TESK2: variants seen among roughly 807,000 people sequenced by gnomAD.
TESK2 encodes the protein dual specificity testis-specific protein kinase 2.
TESK2 carries 39 observed loss-of-function variants against 57.1 expected under a neutral mutation model. That is an observed-to-expected ratio of 0.68 (90% confidence interval 0.53 to 0.89). The LOEUF (loss-of-function observed/expected upper bound fraction) is 0.89, where lower values mean the gene tolerates loss of function less well. TESK2 is among the 40% of genes least tolerant of loss of function. The probability of loss-of-function intolerance (pLI) is 0.00; values close to 1 mark genes in which losing one functional copy is unlikely to be tolerated. For missense variants in TESK2, 646 were observed against 732.1 expected, an observed-to-expected ratio of 0.88 and a Z score of 1.36; for synonymous variants, 249 against 267.9, an observed-to-expected ratio of 0.93 and a Z score of 0.69.
chr1:45,390,248 C>T (rs1335994954), intron 3 of TESK2, among the ~76,000 whole-genome samples: 2 of 152,004 alleles, frequency 1.3e-5, no homozygotes, highest in East Asian at 1.9e-4. Flanking sequence ...CTGGAGAATA[C>T]GGTGAAATAT....
intron 2 of TESK2, among the ~76,000 whole-genome samples, chr1:45,430,490 AAAAC>A (rs750667080): frequency 2.6e-5 from 4 of 152,130 alleles, no homozygotes; most frequent in Admixed American, 6.6e-5. Flanking sequence ...GACCCTATCT[AAAAC>A]AAACAAACAA....
At chr1:45,475,173 G>T (rs971624442) in intron 1 of TESK2, among the ~76,000 whole-genome samples, 4 of 149,632 alleles carry the variant, frequency 2.7e-5, no homozygotes, top group Non-Finnish European at 5.9e-5. Flanking sequence ...GTAATCAAGA[G>T]GAAAGAGGAA....
chr1:45,365,374 G>A (rs1647869670), intron 4 of TESK2, among the ~76,000 whole-genome samples: 1 of 152,212 alleles, frequency 6.6e-6, no homozygotes, highest in South Asian at 2.1e-4. Context: ...TAGCCACAGA[G>A]TAAAACGTTG....
chr1:45,441,775 C>A (rs889108385), intron 2 of TESK2, among the ~76,000 whole-genome samples: 1 of 151,880 alleles, frequency 6.6e-6, no homozygotes, highest in Non-Finnish European at 1.5e-5. Flanking sequence ...TGCCACCACG[C>A]CCAGCTAATT....
intron 2 of TESK2, among the ~76,000 whole-genome samples, chr1:45,431,382 C>T (rs1045587478): frequency 3.3e-5 from 5 of 151,892 alleles, no homozygotes; most frequent in Non-Finnish European, 7.4e-5. Context: ...TGTGCCACTG[C>T]ACTCCAGCCT....
chr1:45,475,625 C>T (rs1652957992), intron 1 of TESK2, among the ~76,000 whole-genome samples: 1 of 152,180 alleles, frequency 6.6e-6, no homozygotes, highest in African/African-American at 2.4e-5. Context: ...TACTGAGTGT[C>T]AACTTGATTG....
At position 45,356,980 on chromosome 1, in the gene TESK2, C is replaced by G. The variant is rs570250647; in HGVS notation, c.394-1531G>C. On this transcript the variant is annotated intron_variant, in intron 4 of 10. Transcript: ENST00000372086. ...AGGCCGAGGCGGGTGGATCACCTGA[C>G]ATCAGGAGTTCAAGACCAGCCTGGC... 8.6e-4 allele frequency among the ~76,000 whole-genome samples: 131 copies of G among 151,720 alleles called. No individual in the cohort carries two copies. The East Asian group carries it at 9.0e-3, about 10-fold the overall frequency.
chr1:45,367,994 ATT>A (rs879353372), intron 4 of TESK2, among the ~76,000 whole-genome samples: 13 of 107,000 alleles, frequency 1.2e-4, no homozygotes, highest in Non-Finnish European at 1.2e-4. Context: ...GACCATTGAA[ATT>A]TTTTTTTTTT....
Position 45,347,905 on chromosome 1 carries a change from T to A in TESK2, c.623+13A>T. On this transcript the variant is annotated intron_variant, in intron 6 of 10. Transcript: ENST00000372086. ...CTGTCCCTTGGACCCCAGCATCCAG[T>A]AGGGCTACACACCTGACATCGGGGA... 3.1e-6 allele frequency: 5 copies of A among 1,605,124 alleles called. No individual in the cohort carries two copies. The highest frequency in any genetic ancestry group is 4.3e-6 in the Non-Finnish European group (5 of 1,171,786).
Position 45,390,771 on chromosome 1 carries a change from GTTATTA to G in TESK2, c.345-4817_345-4812del, listed in dbSNP as rs138838014. On this transcript the variant is annotated intron_variant, in intron 3 of 10. Transcript: ENST00000372086. ...TGGTATTATTATTATTATTGTTATT[GTTATTA>G]TTATTATTATCATAGCGATAGGGTC... Among the ~76,000 whole-genome samples the G allele has an allele frequency of 8.7e-5, 13 of 150,040 alleles. No homozygotes were observed. The South Asian group carries it at 1.5e-3, about 17-fold the overall frequency.
chr1:45,431,904 T>C (rs1194724959), intron 2 of TESK2, among the ~76,000 whole-genome samples: 3 of 152,042 alleles, frequency 2.0e-5, no homozygotes, highest in Admixed American at 2.0e-4. Flanking sequence ...TGTTAAGGAA[T>C]TGCAAGCTTG....
intron 3 of TESK2, chr1:45,398,995 A>AAC: frequency 4.6e-6 from 2 of 433,894 alleles, no homozygotes; most frequent in South Asian, 3.4e-5. Flanking sequence ...AAAAAAAAAA[A>AAC]AAAAAAAAAA....
intron 4 of TESK2, among the ~76,000 whole-genome samples, chr1:45,383,932 C>G (rs1449431765): frequency 6.6e-6 from 1 of 151,970 alleles, no homozygotes; most frequent in East Asian, 1.9e-4. Context: ...ATATGTTATA[C>G]TTCAGTAAAA....
chr1:45,380,936 G>T (rs889464336), intron 4 of TESK2, among the ~76,000 whole-genome samples: 5 of 152,170 alleles, frequency 3.3e-5, no homozygotes, highest in African/African-American at 1.2e-4. Flanking sequence ...GCACCGTGGG[G>T]AATATAAAAA....
At chr1:45,427,901 T>A (rs1248298367) in intron 2 of TESK2, among the ~76,000 whole-genome samples, 1 of 152,154 alleles carries the variant, frequency 6.6e-6, no homozygotes, top group East Asian at 1.9e-4. Flanking sequence ...TAACAGAGTA[T>A]AATTGGAATG....
chr1:45,428,311 C>T (rs112170492), intron 2 of TESK2, among the ~76,000 whole-genome samples: 64 of 152,158 alleles, frequency 4.2e-4, no homozygotes, highest in African/African-American at 1.3e-3. Flanking sequence ...AATTTGAATA[C>T]AAACTATGCA....
intron 1 of TESK2, among the ~76,000 whole-genome samples, chr1:45,483,249 C>G (rs574996306): frequency 6.4e-4 from 97 of 151,414 alleles, no homozygotes; most frequent in Middle Eastern, 3.4e-3. Flanking sequence ...CCACTGCACT[C>G]CAGCCTGGAC....
chr1:45,347,918 C>G lies in TESK2; in HGVS notation c.623G>C (p.Ser208Thr), dbSNP rs1264860024. ...CCCAGCATCCAGTAGGGCTACACAC[C>G]TGACATCGGGGATCTTCTCAGCCAG... ...FGLAEKIPDVSMGSEKLAVVG... is the reference protein window; with the variant it reads ...FGLAEKIPDVTMGSEKLAVVG... Residue 208 changes from serine to threonine, a missense_variant and splice_region_variant, in exon 6 of 11, where the codon AGC (serine) becomes ACC (threonine). Transcript: ENST00000372086. The G allele has an allele frequency of 6.2e-7, 1 of 1,611,566 alleles. No homozygotes were observed. Among genetic ancestry groups the G allele is most frequent in the African/African-American group, 1.3e-5 (1 of 75,008 alleles).
chr1:45,432,162 T>C (rs1012176482), intron 2 of TESK2, among the ~76,000 whole-genome samples: 5 of 151,724 alleles, frequency 3.3e-5, no homozygotes, highest in African/African-American at 1.2e-4. Context: ...GATGGGAGGA[T>C]CACTTGAGCC....
Sources: allele counts gnomAD v4.1 joint callset (sites outside exome capture counted in the v4.1 genomes callset), GRCh38; gene constraint gnomAD v4.1.1; transcripts MANE v1.5; gene names NCBI Gene and HGNC (gene_info 2026-07-23, HGNC 2026-07-21).